Variants in PLCZ1 observed in about 807,000 individuals in gnomAD.
PLCZ1 encodes the protein 1-phosphatidylinositol 4,5-bisphosphate phosphodiesterase zeta-1.
PLCZ1 carries 64 observed loss-of-function variants against 76.8 expected under a neutral mutation model. The ratio of observed to expected loss-of-function variants is 0.83; its 90% CI spans 0.68 to 1.03. The LOEUF is 1.03. Among genes scored for constraint, PLCZ1 ranks in the 50% least tolerant of loss-of-function variants. The pLI is 0.00. For synonymous variants in PLCZ1, 248 were observed against 230.8 expected, an observed-to-expected ratio of 1.07 and a Z score of -0.68; for missense variants, 751 against 713.7, an observed-to-expected ratio of 1.05 and a Z score of -0.60.
At chr12:18,668,188 G>T in the PLCZ1 span, among the ~76,000 whole-genome samples, 7 of 152,118 alleles carry the variant, frequency 4.6e-5, no homozygotes, top group Non-Finnish European at 1.0e-4. Context: ...AAAAAGTCCA[G>T]TCATACTTTC....
intron 7 of PLCZ1, among the ~76,000 whole-genome samples, chr12:18,702,118 C>T (rs964634405): frequency 1.3e-5 from 2 of 151,904 alleles, no homozygotes; most frequent in East Asian, 1.9e-4. Context: ...GAAAATGTTA[C>T]AACTTCTGGT....
the PLCZ1 span, among the ~76,000 whole-genome samples, chr12:18,675,339 T>G: frequency 4.6e-5 from 7 of 152,132 alleles, no homozygotes; most frequent in African/African-American, 1.7e-4. Flanking sequence ...ATAACCATTA[T>G]AGAAGTCTAG....
chr12:18,736,567 A>C (rs1250256389), intron 2 of PLCZ1: 1 of 1,209,256 alleles, frequency 8.3e-7, no homozygotes, highest in East Asian at 3.9e-5. Context: ...AAATACAAAA[A>C]AAAGAATTAA....
rs1959224580 is a variant in PLCZ1, at chr12:18,736,165, A to G, written c.135+56T>C. On this transcript the variant is annotated intron_variant, in intron 3 of 14. Coordinates refer to ENST00000266505, the MANE Select transcript of PLCZ1 (RefSeq NM_033123.4). ...ACTAACCTTTATATGACAATTACTG[A>G]CATTGGATTAAGTTCCACCTAGGAT... The G allele has an allele frequency of 6.7e-5, 106 of 1,574,446 alleles. 5 individuals carry two copies. In the South Asian group the frequency reaches 1.2e-3, roughly 18 times the overall value.
At chr12:18,720,811 G>T (rs1336723403) in intron 4 of PLCZ1, among the ~76,000 whole-genome samples, 2 of 151,956 alleles carry the variant, frequency 1.3e-5, no homozygotes, top group Admixed American at 1.3e-4. Context: ...GATAAGTGCA[G>T]GGGAATAAAC....
the PLCZ1 span, among the ~76,000 whole-genome samples, chr12:18,657,378 A>G: frequency 1.8e-3 from 279 of 152,318 alleles, 1 homozygote; most frequent in African/African-American, 6.5e-3. Flanking sequence ...GAGAAGATCC[A>G]GAGCTCTTGT....
intron 3 of PLCZ1, chr12:18,731,082 T>C (rs1330131038): frequency 6.6e-6 from 1 of 152,120 alleles, no homozygotes; most frequent in Non-Finnish European, 1.5e-5. Flanking sequence ...CAACTTTTCT[T>C]TTTTAACCTC....
chr12:18,684,775 C>T, intron 13 of PLCZ1, among the ~76,000 whole-genome samples: 1 of 151,984 alleles, frequency 6.6e-6, no homozygotes, highest in African/African-American at 2.4e-5. Flanking sequence ...TTTGTGCCCC[C>T]ACCCAAATCT....
intron 9 of PLCZ1, among the ~76,000 whole-genome samples, chr12:18,700,510 T>TACAAA (rs1955735973): frequency 3.6e-4 from 1 of 2,808 alleles, no homozygotes; most frequent in Non-Finnish European, 1.1e-3. Context: ...AGAGCCAACG[T>TACAAA]ACAAAAAAAA....
At chr12:18,651,150 C>T in the PLCZ1 span, among the ~76,000 whole-genome samples, 1 of 151,990 alleles carries the variant, frequency 6.6e-6, no homozygotes. Flanking sequence ...CAACACTGGC[C>T]TCCTTTGTAT....
intron 4 of PLCZ1, 147 bp downstream of exon 4, chr12:18,723,164 T>A: frequency 1.5e-6 from 1 of 671,672 alleles, no homozygotes; most frequent in Non-Finnish European, 2.5e-6. Context: ...CTATAAAATA[T>A]ATTTTCTCAA....
the PLCZ1 span, among the ~76,000 whole-genome samples, chr12:18,671,910 C>A: frequency 6.6e-6 from 1 of 152,104 alleles, no homozygotes; most frequent in African/African-American, 2.4e-5. Context: ...ATATATAGCA[C>A]CTTTTCATGA....
chr12:18,683,292 C>A lies in PLCZ1; in HGVS notation c.1774G>T (p.Gly592Cys). ...AGTGAAGCAGGCTCAAGGCTCTCAC[C>A]CATTCTGGAAAACAGAGGAATACGA... ...YRRIPLFSRM[G>C]ESLEPASLFV... The change falls in exon 15 of 15, where the codon GGT becomes TGT. Residue 592 changes from glycine to cysteine, a missense_variant. Transcript: ENST00000266505. The A allele has an allele frequency of 6.2e-7, 1 of 1,612,470 alleles. No individual in the cohort carries two copies. The highest frequency in any genetic ancestry group is 8.5e-7 in the Non-Finnish European group (1 of 1,179,030).
intron 5 of PLCZ1, among the ~76,000 whole-genome samples, chr12:18,717,846 T>C (rs370159119): frequency 2.0e-5 from 3 of 152,324 alleles, no homozygotes; most frequent in East Asian, 3.9e-4. Flanking sequence ...TTCAACATTA[T>C]GATAATGCAA....
chr12:18,704,334 T>C (rs1956315923), intron 7 of PLCZ1, among the ~76,000 whole-genome samples: 1 of 152,090 alleles, frequency 6.6e-6, no homozygotes, highest in Non-Finnish European at 1.5e-5. Context: ...TTCCTTTCTT[T>C]TTTTCAATAT....
At chr12:18,705,394 T>G in intron 6 of PLCZ1, 79 bp from the exon 7 acceptor site, 1 of 1,532,614 alleles carries the variant, frequency 6.5e-7, no homozygotes, top group Non-Finnish European at 9.0e-7. Context: ...GTGCTTAATG[T>G]ATTTTAAAAC....
At position 18,712,862 on chromosome 12, in the gene PLCZ1, T is replaced by C. The variant is rs570671609; in HGVS notation, c.694A>G (p.Ile232Val). 1 of 1,613,854 alleles carries C rather than the reference T, an allele frequency of 6.2e-7. No homozygotes were observed. The highest frequency in any genetic ancestry group is 2.2e-5 in the East Asian group (1 of 44,850). Reference protein sequence around the residue: ...KLLFKTVIQAIHKYAFMTSDY... With the variant: ...KLLFKTVIQAVHKYAFMTSDY... ...CATACCATGAATGCATACTTGTGTA[T>C]AGCTTGGATAACAGTTTTAAACAGA... is the stretch of plus-strand genomic sequence containing the variant. The change falls in exon 6 of 15, where the codon ATA (isoleucine) becomes GTA (valine). Residue 232 changes from isoleucine (I) to valine (V), a missense_variant. Transcript: ENST00000266505.
chr12:18,681,520 T>C (rs2137021906), downstream of PLCZ1, among the ~76,000 whole-genome samples: 1 of 152,186 alleles, frequency 6.6e-6, no homozygotes, highest in East Asian at 1.9e-4. Context: ...TTTACATGAA[T>C]AAAATCTGTT....
At chr12:18,728,487 G>A (rs1489835332) in intron 3 of PLCZ1, among the ~76,000 whole-genome samples, 1 of 152,084 alleles carries the variant, frequency 6.6e-6, no homozygotes, top group Non-Finnish European at 1.5e-5. Flanking sequence ...AGATAGCTCA[G>A]GAAAAGTTTG....
Sources: gnomAD v4.1 joint callset for allele counts (sites outside exome capture counted in the v4.1 genomes callset) on GRCh38, gnomAD v4.1.1 for gene constraint, MANE v1.5 for transcripts, NCBI Gene and HGNC (gene_info 2026-07-23, HGNC 2026-07-21) for gene names.